ASH1L: variants seen among roughly 807,000 people sequenced by gnomAD.
The protein encoded by ASH1L is histone-lysine N-methyltransferase ASH1L.
Under a neutral mutation model 269.0 loss-of-function variants are expected in ASH1L, and 23 were observed. The ratio of observed to expected loss-of-function variants is 0.09; its 90% CI spans 0.06 to 0.12. ASH1L has a LOEUF of 0.12. Ranked by LOEUF, ASH1L falls within the 10% of genes least tolerant of loss-of-function variation. The probability of loss-of-function intolerance (pLI) is 1.00; values close to 1 mark genes in which losing one functional copy is unlikely to be tolerated. For synonymous variants in ASH1L, 1,187 were observed against 1,253.5 expected (o/e 0.95, Z 1.12); for missense variants, 2,912 against 3,567.8 (o/e 0.82, Z 4.68).
At chr1:155,550,026 T>C (rs1671088292) in intron 1 of ASH1L, among the ~76,000 whole-genome samples, 1 of 129,960 alleles carries the variant, frequency 7.7e-6, no homozygotes, top group South Asian at 2.4e-4. Flanking sequence ...CACGATAGCC[T>C]CTTTTTTTTT....
At chr1:155,527,805 C>G (rs935753091) in intron 1 of ASH1L, among the ~76,000 whole-genome samples, 1 of 152,024 alleles carries the variant, frequency 6.6e-6, no homozygotes, top group Non-Finnish European at 1.5e-5. Context: ...CTCAGACTCC[C>G]GAGTAGCTGG....
chr1:155,550,374 A>G (rs1194732828), intron 1 of ASH1L, among the ~76,000 whole-genome samples: 2 of 152,152 alleles, frequency 1.3e-5, no homozygotes, highest in African/African-American at 4.8e-5. Context: ...CAAAGTGCAT[A>G]TATCAGATCA....
chr1:155,341,602 G>A (rs1433335792), intron 25 of ASH1L, among the ~76,000 whole-genome samples: 1 of 152,170 alleles, frequency 6.6e-6, no homozygotes, highest in Non-Finnish European at 1.5e-5. Context: ...AGGAAAAAAA[G>A]GAGTTTTTCA....
rs148261168 is a variant in ASH1L at position 155,559,393 on chromosome 1, G to A, written c.-100+2760C>T. 5.8e-3 allele frequency among the ~76,000 whole-genome samples: 885 copies of A among 151,960 alleles called. 7 individuals carry two copies. The highest frequency in any genetic ancestry group is 0.02 in the African/African-American group (831 of 41,446). On this transcript the variant is annotated intron_variant, in intron 1 of 27. Transcript: ENST00000392403. ...TCTACTAAAAATACAAAATTAGCAG[G>A]GCATGGTGGCACATGCCTGTAATCC...
intron 2 of ASH1L, among the ~76,000 whole-genome samples, chr1:155,505,963 T>C (rs1218776670): frequency 6.6e-6 from 1 of 152,134 alleles, no homozygotes; most frequent in Non-Finnish European, 1.5e-5. Context: ...ACATTAGGTA[T>C]ATCTCCTAAT....
intron 5 of ASH1L, among the ~76,000 whole-genome samples, chr1:155,435,002 A>G (rs1661971930): frequency 6.6e-6 from 1 of 152,168 alleles, no homozygotes; most frequent in Non-Finnish European, 1.5e-5. Flanking sequence ...TACTAAAAAT[A>G]CAAAAATTAG....
At chr1:155,519,173 G>A (rs752025004) in intron 2 of ASH1L, among the ~76,000 whole-genome samples, 5 of 152,172 alleles carry the variant, frequency 3.3e-5, no homozygotes, top group East Asian at 1.9e-4. Context: ...GGTGGCTCAC[G>A]CCTGTCATCC....
At chr1:155,453,543 T>C (rs1427763145) in intron 4 of ASH1L, among the ~76,000 whole-genome samples, 1 of 152,152 alleles carries the variant, frequency 6.6e-6, no homozygotes, top group African/African-American at 2.4e-5. Flanking sequence ...CTCACGCCTC[T>C]AATCTCAGCA....
chr1:155,492,952 T>C (rs1405228444), intron 2 of ASH1L, among the ~76,000 whole-genome samples: 1 of 151,980 alleles, frequency 6.6e-6, no homozygotes, highest in Non-Finnish European at 1.5e-5. Context: ...GCCTCTCAAG[T>C]AGCTGGGATC....
At chr1:155,378,198 C>G (rs908844890) in intron 10 of ASH1L, 83 bp downstream of exon 10, 3 of 997,068 alleles carry the variant, frequency 3.0e-6, no homozygotes, top group African/African-American at 3.2e-5. Context: ...AATCAAAGAG[C>G]CTATTTAACT....
chr1:155,452,073 CTG>C (rs1214854691), intron 4 of ASH1L, among the ~76,000 whole-genome samples: 2 of 147,608 alleles, frequency 1.4e-5, no homozygotes, highest in Non-Finnish European at 3.0e-5. Flanking sequence ...CAGTCTCACT[CTG>C]TCACCCAGGC....
At chr1:155,364,217 C>T (rs1196055279) in intron 12 of ASH1L, among the ~76,000 whole-genome samples, 1 of 152,162 alleles carries the variant, frequency 6.6e-6, no homozygotes, top group African/African-American at 2.4e-5. Context: ...GAGTCAAGAT[C>T]GTCCCACTGT....
intron 1 of ASH1L, among the ~76,000 whole-genome samples, chr1:155,532,939 G>A (rs955323855): frequency 1.5e-5 from 2 of 130,310 alleles, no homozygotes; most frequent in Non-Finnish European, 3.2e-5. Context: ...GCATATATAT[G>A]TGTGTGTGTG....
At chr1:155,512,963 G>A (rs753539127) in intron 2 of ASH1L, among the ~76,000 whole-genome samples, 18 of 151,688 alleles carry the variant, frequency 1.2e-4, no homozygotes, top group South Asian at 2.1e-4. Context: ...AGGCTGAGGC[G>A]GTAGGATTGC....
At chr1:155,544,947 C>T (rs1005699117) in intron 1 of ASH1L, among the ~76,000 whole-genome samples, 24 of 150,884 alleles carry the variant, frequency 1.6e-4, no homozygotes, top group African/African-American at 4.6e-4. Context: ...CTGAGGCGGG[C>T]GGATCACCTG....
chr1:155,432,748 G>A (rs921262399), intron 5 of ASH1L, among the ~76,000 whole-genome samples: 22 of 152,030 alleles, frequency 1.4e-4, no homozygotes, highest in Non-Finnish European at 2.4e-4. Context: ...CTTTTTTGTC[G>A]TTGTTGAGAC....
At position 155,479,637 on chromosome 1, in the gene ASH1L, T is replaced by C; in HGVS notation, c.3233A>G (p.Gln1078Arg). Reference sequence around the variant, plus strand: ...TCCTAATGCTGACCCAGCTGCCTGTTGAGCTGTTTGCTCAAGAACAGCAAG... The same window carrying C: ...TCCTAATGCTGACCCAGCTGCCTGTCGAGCTGTTTGCTCAAGAACAGCAAG... ...TSLAVLEQTA[Q>R]QAAGSALGQI... The change falls in exon 3 of 28, where the codon CAA becomes CGA. Residue 1078 changes from glutamine (Q) to arginine (R), a missense_variant. Coordinates refer to ENST00000392403, the MANE Select transcript of ASH1L (RefSeq NM_018489.3). The C allele has an allele frequency of 6.2e-7, 1 of 1,614,222 alleles. No individual in the cohort carries two copies. Among genetic ancestry groups the C allele is most frequent in the Non-Finnish European group, 8.5e-7 (1 of 1,180,024 alleles).
chr1:155,521,550 A>C lies in ASH1L; in HGVS notation c.-31T>G. The C allele has an allele frequency of 6.4e-7, 1 of 1,564,864 alleles. No individual in the cohort carries two copies. The highest frequency in any genetic ancestry group is 8.6e-7 in the Non-Finnish European group (1 of 1,159,972). On this transcript the variant is annotated 5_prime_UTR_variant, in exon 2 of 28. An upstream open reading frame in the 5' UTR loses its in-frame stop. Coordinates refer to ENST00000392403, the MANE Select transcript of ASH1L (RefSeq NM_018489.3). ...GCGTATGTTATTGCCAAGGAATCTTATGAAAATTTTACAGAACTGTGTTCC... is the reference window on the plus strand; with the variant it reads ...GCGTATGTTATTGCCAAGGAATCTTCTGAAAATTTTACAGAACTGTGTTCC...
intron 12 of ASH1L, among the ~76,000 whole-genome samples, chr1:155,366,526 G>C (rs545149975): frequency 6.6e-6 from 1 of 151,900 alleles, no homozygotes; most frequent in East Asian, 1.9e-4. Context: ...CTCAACCCTT[G>C]AACATTGTGT....
Sources: gnomAD v4.1 joint callset for allele counts (sites outside exome capture counted in the v4.1 genomes callset) on GRCh38, gnomAD v4.1.1 for gene constraint, MANE v1.5 for transcripts, NCBI Gene and HGNC (gene_info 2026-07-23, HGNC 2026-07-21) for gene names.